The following MIS18BP1 variants were observed in gnomAD, a reference collection of about 807,000 sequenced individuals.
MIS18BP1 encodes the protein MIS18 binding protein 1.
A neutral mutation model predicts 116.1 loss-of-function variants in MIS18BP1; 72 were observed. The observed-to-expected ratio is 0.62, with a 90% CI of 0.51 to 0.75. The LOEUF (loss-of-function observed/expected upper bound fraction) is 0.75. MIS18BP1 is among the 30% of genes least tolerant of loss of function. MIS18BP1 has a pLI of 0.00. For synonymous variants in MIS18BP1, 386 were observed against 427.0 expected, an observed-to-expected ratio of 0.90 and a Z score of 1.18; for missense variants, 1,363 against 1,303.2, an observed-to-expected ratio of 1.05 and a Z score of -0.71.
intron 14 of MIS18BP1, 67 bp from the exon 15 acceptor site, chr14:45,206,237 C>T: frequency 2.8e-6 from 3 of 1,059,002 alleles, no homozygotes; most frequent in Admixed American, 2.2e-5. Flanking sequence ...TTTAAGTTAA[C>T]TGTCATACTT....
At chr14:45,226,710 C>A in intron 10 of MIS18BP1, 33 bp downstream of exon 10, 1 of 1,311,382 alleles carries the variant, frequency 7.6e-7, no homozygotes, top group East Asian at 3.1e-5. Context: ...TAGCTTTCTG[C>A]TTATGATTAA....
chr14:45,246,387 C>T (rs1441811044), intron 2 of MIS18BP1, among the ~76,000 whole-genome samples: 2 of 152,194 alleles, frequency 1.3e-5, no homozygotes, highest in Non-Finnish European at 2.9e-5. Context: ...GATCATCCTT[C>T]CCCATTCCTC....
At chr14:45,219,872 T>A (rs1890925873) in intron 11 of MIS18BP1, among the ~76,000 whole-genome samples, 1 of 152,226 alleles carries the variant, frequency 6.6e-6, no homozygotes, top group African/African-American at 2.4e-5. Context: ...ATAATGTATT[T>A]AATAAGAAAT....
rs769027024 is a variant in MIS18BP1, at chr14:45,224,582, T to A, written c.2005A>T (p.Asn669Tyr). ...KVIEQRCMRY[N>Y]LSAGTIKAVT... ...GCTTTGATGGTGCCAGCGGACAGATTATACCTCATGCATCTTTGCTCTATC... is the reference window on the plus strand; with the variant it reads ...GCTTTGATGGTGCCAGCGGACAGATAATACCTCATGCATCTTTGCTCTATC... The change falls in exon 11 of 17, where the codon AAT (asparagine) becomes TAT (tyrosine). Residue 669 changes from asparagine to tyrosine, a missense_variant. By Grantham distance (143) the Asn-to-Tyr change is moderately radical. Coordinates refer to ENST00000310806, the MANE Select transcript of MIS18BP1 (RefSeq NM_018353.5). 1.2e-6 allele frequency: 2 copies of A among 1,613,794 alleles called. No individual in the cohort carries two copies. Among genetic ancestry groups the A allele is most frequent in the Non-Finnish European group, 1.7e-6 (2 of 1,179,894 alleles).
intron 10 of MIS18BP1, among the ~76,000 whole-genome samples, chr14:45,225,679 A>G (rs1193178378): frequency 1.3e-5 from 2 of 152,212 alleles, no homozygotes; most frequent in East Asian, 1.9e-4. Flanking sequence ...TGAGAATCTT[A>G]TATCTTGTCA....
rs1291740062 is a variant in MIS18BP1 at position 45,221,265 on chromosome 14, C to T, written c.2669+2653G>A. 3.9e-5 allele frequency among the ~76,000 whole-genome samples: 6 copies of T among 151,984 alleles called. No homozygotes were observed. In the East Asian group the frequency reaches 7.8e-4, roughly 20 times the overall value. Reference sequence around the variant, plus strand: ...CATCCTGGCTAACACGGTGAAACCCCGTCTCTACTGAAAATACAAAAAATT... The same window carrying T: ...CATCCTGGCTAACACGGTGAAACCCTGTCTCTACTGAAAATACAAAAAATT... On this transcript the variant is annotated intron_variant, in intron 11 of 16. Transcript: ENST00000310806.
At chr14:45,208,330 GTT>G (rs1166566812) in intron 14 of MIS18BP1, among the ~76,000 whole-genome samples, 23 of 120,916 alleles carry the variant, frequency 1.9e-4, no homozygotes, top group Admixed American at 6.3e-4. Flanking sequence ...GGATGAAGTT[GTT>G]TTTTTTTTTT....
At chr14:45,251,912 C>T (rs1364274973) in intron 1 of MIS18BP1, among the ~76,000 whole-genome samples, 2 of 152,148 alleles carry the variant, frequency 1.3e-5, no homozygotes, top group Non-Finnish European at 2.9e-5. Flanking sequence ...CCACTTCTAA[C>T]TTGTTTTTTC....
rs750338497 is a variant in MIS18BP1, at chr14:45,224,418, G to A, written c.2169C>T (p.Asn723=). The A allele has an allele frequency of 1.9e-6, 3 of 1,613,628 alleles. No homozygotes were observed. Among genetic ancestry groups the A allele is most frequent in the African/African-American group, 2.7e-5 (2 of 74,896 alleles). Reference sequence around the variant, plus strand: ...CAAGGTTAGATATTTTTATTTTCCGGTTGACAGTAAGTAAGTCACGTTCAT... The same window carrying A: ...CAAGGTTAGATATTTTTATTTTCCGATTGACAGTAAGTAAGTCACGTTCAT... ...DCDERDLLTV[N]RKIKISNLEK... is the part of the protein sequence containing the mutation. Residue 723 remains asparagine (N), a synonymous_variant, in exon 11 of 17, where the codon AAC becomes AAT. Coordinates refer to ENST00000310806, the MANE Select transcript of MIS18BP1 (RefSeq NM_018353.5).
At chr14:45,217,210 A>G in intron 12 of MIS18BP1, 31 bp from the exon 13 acceptor site, 1 of 1,605,260 alleles carries the variant, frequency 6.2e-7, no homozygotes. Flanking sequence ...TTTGATAAGG[A>G]TTTGGTTATT....
At chr14:45,204,312 T>TA in intron 16 of MIS18BP1, 87 bp downstream of exon 16, 1 of 1,536,706 alleles carries the variant, frequency 6.5e-7, no homozygotes, top group Non-Finnish European at 8.8e-7. Context: ...TCTGTCCACT[T>TA]GAGAGCAATT....
chr14:45,216,771 T>G (rs1303822318), intron 13 of MIS18BP1, among the ~76,000 whole-genome samples: 1 of 152,226 alleles, frequency 6.6e-6, no homozygotes, highest in Non-Finnish European at 1.5e-5. Context: ...TATATATGTT[T>G]CACCTAATTC....
rs546949438 is a variant in MIS18BP1 at position 45,203,943 on chromosome 14, C to T, written c.*166G>A. 44 of 929,378 alleles carry T rather than the reference C, an allele frequency of 4.7e-5. No homozygotes were observed. The highest frequency in any genetic ancestry group is 3.5e-4 in the Middle Eastern group (1 of 2,868). The allele number at this position is 929,378 out of a possible 1,614,324, so 57.6% of individuals were successfully genotyped here. Reference sequence around the variant, plus strand: ...TTTTCTTTACATTTTTAGTAAGCTGCAGCAATGAGGATATTTTACTTTGAA... The same window carrying T: ...TTTTCTTTACATTTTTAGTAAGCTGTAGCAATGAGGATATTTTACTTTGAA... On this transcript the variant is annotated 3_prime_UTR_variant, in exon 17 of 17. Transcript: ENST00000310806.
chr14:45,224,399 T>G lies in MIS18BP1; in HGVS notation c.2188A>C (p.Asn730His). The G allele has an allele frequency of 1.9e-6, 3 of 1,613,870 alleles. No homozygotes were observed. The highest frequency in any genetic ancestry group is 4.5e-5 in the East Asian group (2 of 44,870). ...GTGAGCATTTGTTCCTTTTCAAGGT[T>G]AGATATTTTTATTTTCCGGTTGACA... The part of the protein sequence containing the change: ...LTVNRKIKIS[N>H]LEKEQMLTSD... Residue 730 changes from asparagine (N) to histidine (H), a missense_variant, in exon 11 of 17, where the codon AAC becomes CAC. By Grantham distance (68) the Asn-to-His change is moderately conservative. Transcript: ENST00000310806.
At chr14:45,207,025 AT>A (rs561812454) in intron 14 of MIS18BP1, among the ~76,000 whole-genome samples, 1 of 152,044 alleles carries the variant, frequency 6.6e-6, no homozygotes, top group Admixed American at 6.6e-5. Flanking sequence ...CAACCACCAA[AT>A]TTTTTTTCTT....
chr14:45,241,854 A>G (rs1891582998), intron 4 of MIS18BP1, 180 bp downstream of exon 4: 1 of 647,402 alleles, frequency 1.5e-6, no homozygotes, highest in Non-Finnish European at 2.5e-6. Flanking sequence ...TGTTCTTTTC[A>G]CTATGTCACA....
rs1474969607 is a variant in MIS18BP1 at position 45,203,250 on chromosome 14, T to TAC, written c.*858_*859insGT. The TAC allele has an allele frequency of 6.6e-6, 1 of 152,110 alleles. No homozygotes were observed. Among genetic ancestry groups the TAC allele is most frequent in the African/African-American group, 2.4e-5 (1 of 41,424 alleles). 9.4% of individuals were successfully genotyped at this position (152,110 alleles called of 1,614,324 possible). On this transcript the variant is annotated 3_prime_UTR_variant, in exon 17 of 17. Transcript: ENST00000310806. ...TAAATAGAGAACAAGGGTAGGTGAA[T>TAC]GTGTAGCCAGAGGGAAAATATCCTA...
intron 11 of MIS18BP1, among the ~76,000 whole-genome samples, chr14:45,221,090 G>A (rs1370099196): frequency 2.0e-5 from 3 of 151,626 alleles, no homozygotes; most frequent in East Asian, 1.9e-4. Flanking sequence ...AGCTGAGATC[G>A]TACCACTGCA....
chr14:45,252,056 T>C (rs1891889005), intron 1 of MIS18BP1, among the ~76,000 whole-genome samples: 1 of 152,064 alleles, frequency 6.6e-6, no homozygotes, highest in Non-Finnish European at 1.5e-5. Flanking sequence ...TACTCCCAAT[T>C]TGAAAAAAGA....
Sources: allele counts gnomAD v4.1 joint callset (sites outside exome capture counted in the v4.1 genomes callset), GRCh38; gene constraint gnomAD v4.1.1; transcripts MANE v1.5; gene names NCBI Gene and HGNC (gene_info 2026-07-23, HGNC 2026-07-21).